SLIT3: variants seen among roughly 807,000 people sequenced by gnomAD.
SLIT3 encodes slit homolog 3 protein.
Under a neutral mutation model 184.0 loss-of-function variants are expected in SLIT3, and 68 were observed. The observed-to-expected ratio is 0.37, with a 90% CI of 0.30 to 0.45. SLIT3 has a LOEUF of 0.45. Ranked by LOEUF, SLIT3 falls within the 20% of genes least tolerant of loss-of-function variation. The pLI is 1.00. For synonymous variants in SLIT3, 831 were observed against 828.6 expected, an observed-to-expected ratio of 1.00 and a Z score of -0.05; for missense variants, 1,707 against 2,026.0, an observed-to-expected ratio of 0.84 and a Z score of 3.02.
chr5:168,663,631 C>T lies in SLIT3; in HGVS notation c.*2823G>A, dbSNP rs1160652835. On this transcript the variant is annotated 3_prime_UTR_variant, in exon 36 of 36. Transcript: ENST00000519560. ...TCAAAACCCTACCTTCCTACCTACCCCATTTCTCTCTGCTCCTCAGTGTGC... is the reference window on the plus strand; with the variant it reads ...TCAAAACCCTACCTTCCTACCTACCTCATTTCTCTCTGCTCCTCAGTGTGC... 1 of 152,350 alleles carries T rather than the reference C, an allele frequency of 6.6e-6. No homozygotes were observed. Among genetic ancestry groups the T allele is most frequent in the African/African-American group, 2.4e-5 (1 of 41,440 alleles). 9.4% of individuals were successfully genotyped at this position (152,350 alleles called of 1,614,324 possible).
intron 1 of SLIT3, among the ~76,000 whole-genome samples, chr5:169,253,662 A>C (rs1765852663): frequency 6.6e-6 from 1 of 152,178 alleles, no homozygotes; most frequent in African/African-American, 2.4e-5. Flanking sequence ...CAATCATGGC[A>C]GCTATTACTG....
intron 4 of SLIT3, among the ~76,000 whole-genome samples, chr5:169,171,433 G>T (rs1192080688): frequency 6.6e-6 from 1 of 152,176 alleles, no homozygotes; most frequent in Non-Finnish European, 1.5e-5. Flanking sequence ...GAGGTGGAGG[G>T]AAAAAGTACA....
chr5:168,886,484 A>AAAT (rs1760219379), intron 4 of SLIT3, among the ~76,000 whole-genome samples: 1 of 152,204 alleles, frequency 6.6e-6, no homozygotes, highest in African/African-American at 2.4e-5. Flanking sequence ...ACTTAAATAA[A>AAAT]AATAACAAAA....
In SLIT3 at chr5:169,217,130, TAAAA is replaced by T. The variant is rs55757348; in HGVS notation, c.342-23584_342-23581del. Among the ~76,000 whole-genome samples, 901 of 126,912 alleles carry T rather than the reference TAAAA, an allele frequency of 7.1e-3. 10 individuals are homozygous for T. Among genetic ancestry groups the T allele is most frequent in the East Asian group, 0.025 (98 of 3,848 alleles). 83.3% of individuals were successfully genotyped at this position (126,912 alleles called of 152,430 possible). ...CGTTTGGACAAGACCTTGAGTAGGT[TAAAA>T]AAAAAAAAAAAAAAAAAACTTAGAC... On this transcript the variant is annotated intron_variant, in intron 3 of 35. Coordinates refer to ENST00000519560, the MANE Select transcript of SLIT3 (RefSeq NM_003062.4).
chr5:169,292,538 C>T (rs1767391431), intron 1 of SLIT3, among the ~76,000 whole-genome samples: 2 of 152,040 alleles, frequency 1.3e-5, no homozygotes, highest in African/African-American at 4.8e-5. Context: ...CCGGAAAGAA[C>T]GGGGCAATAT....
chr5:169,137,333 C>CAGAGAGAGAGAG (rs1324720274), intron 4 of SLIT3, among the ~76,000 whole-genome samples: 227 of 129,416 alleles, frequency 1.8e-3, no homozygotes, highest in East Asian at 4.6e-3. Context: ...CACACACACA[C>CAGAGAGAGAGAG]ACAGAGAGAG....
In SLIT3 at chr5:168,685,972, A is replaced by G. The variant is rs372298709; in HGVS notation, c.3315-45T>C. The G allele has an allele frequency of 9.0e-5, 140 of 1,558,968 alleles. 1 individual carries two copies. The African/African-American group carries it at 1.8e-3, about 20-fold the overall frequency. ...GGGGAGGGAGATAGGAGAATGGCCA[A>G]GAGGAGACAATCACAGTTACTCAGG... On this transcript the variant is annotated intron_variant, in intron 30 of 35. Transcript: ENST00000519560.
At chr5:169,111,225 A>G (rs1760397661) in intron 4 of SLIT3, among the ~76,000 whole-genome samples, 2 of 151,804 alleles carry the variant, frequency 1.3e-5, no homozygotes, top group Non-Finnish European at 2.9e-5. Context: ...GATTGGCCAT[A>G]TGGACCTCCA....
chr5:169,201,483 A>G (rs1763902396), intron 3 of SLIT3, among the ~76,000 whole-genome samples: 1 of 152,206 alleles, frequency 6.6e-6, no homozygotes, highest in South Asian at 2.1e-4. Flanking sequence ...CAAGGGCTCA[A>G]TAAGTGGTAG....
intron 3 of SLIT3, among the ~76,000 whole-genome samples, chr5:169,230,061 T>G (rs1326864840): frequency 6.6e-6 from 1 of 152,210 alleles, no homozygotes; most frequent in Non-Finnish European, 1.5e-5. Flanking sequence ...CAGTAATCAA[T>G]GGTACTTCTC....
chr5:168,738,733 T>A (rs1226110505), intron 20 of SLIT3, among the ~76,000 whole-genome samples: 2 of 152,070 alleles, frequency 1.3e-5, no homozygotes, highest in East Asian at 3.9e-4. Flanking sequence ...GGTCAGGAGA[T>A]CGAGACCATC....
chr5:169,033,642 TA>T (rs1159084009), intron 4 of SLIT3, among the ~76,000 whole-genome samples: 6 of 152,174 alleles, frequency 3.9e-5, no homozygotes, highest in African/African-American at 1.4e-4. Flanking sequence ...CAAATGGGTG[TA>T]AGGTGGTATC....
At chr5:168,885,896 G>A (rs769457233) in intron 4 of SLIT3, among the ~76,000 whole-genome samples, 4 of 152,180 alleles carry the variant, frequency 2.6e-5, no homozygotes, top group Admixed American at 2.0e-4. Context: ...AGAGGAGAGC[G>A]ATATTTAAGC....
chr5:169,298,499 A>C (rs1469500876), intron 1 of SLIT3, among the ~76,000 whole-genome samples: 1 of 152,188 alleles, frequency 6.6e-6, no homozygotes, highest in African/African-American at 2.4e-5. Context: ...ATGGAGCACG[A>C]TTTTGAAGAT....
At chr5:168,997,682 G>A (rs1051644988) in intron 4 of SLIT3, among the ~76,000 whole-genome samples, 2 of 152,066 alleles carry the variant, frequency 1.3e-5, no homozygotes, top group African/African-American at 2.4e-5. Flanking sequence ...CTTTGTTTCC[G>A]GTCACCATGC....
chr5:168,755,908 G>C (rs577610319), intron 16 of SLIT3, among the ~76,000 whole-genome samples: 1 of 152,344 alleles, frequency 6.6e-6, no homozygotes, highest in South Asian at 2.1e-4. Context: ...TGGGGGGCTT[G>C]TGTGGACCAT....
intron 4 of SLIT3, among the ~76,000 whole-genome samples, chr5:169,111,483 G>A (rs902894854): frequency 6.6e-6 from 1 of 152,160 alleles, no homozygotes; most frequent in Non-Finnish European, 1.5e-5. Context: ...TAGGCGTGGT[G>A]GCTCACACCT....
At chr5:168,726,166 C>T (rs2113380164) in intron 20 of SLIT3, among the ~76,000 whole-genome samples, 1 of 152,028 alleles carries the variant, frequency 6.6e-6, no homozygotes, top group South Asian at 2.1e-4. Context: ...CAGTCATGCA[C>T]ATGCTTAGAT....
chr5:169,116,740 G>T (rs11134559), intron 4 of SLIT3, among the ~76,000 whole-genome samples: 6,460 of 152,266 alleles, frequency 0.042, 182 homozygotes, highest in East Asian at 0.093. Flanking sequence ...GCTAATCAGG[G>T]CTGCATCAGG....
Sources: allele counts gnomAD v4.1 joint callset (sites outside exome capture counted in the v4.1 genomes callset), GRCh38; gene constraint gnomAD v4.1.1; transcripts MANE v1.5; gene names NCBI Gene and HGNC (gene_info 2026-07-23, HGNC 2026-07-21).